The following EXOC3 variants were observed in gnomAD, a reference collection of about 807,000 sequenced individuals.
EXOC3 encodes exocyst complex component 3, also known as SEC6-like 1.
A neutral mutation model predicts 73.7 loss-of-function variants in EXOC3; 21 were observed. The ratio of observed to expected loss-of-function variants is 0.29; its 90% confidence interval spans 0.20 to 0.41. EXOC3 has a LOEUF of 0.41. Ranked by LOEUF, EXOC3 falls within the 10% of genes least tolerant of loss-of-function variation. The pLI, the probability that EXOC3 is intolerant of heterozygous loss-of-function variation, is 1.00. For missense variants in EXOC3, 842 were observed against 985.1 expected, an observed-to-expected ratio of 0.85 and a Z score of 1.95; for synonymous variants, 410 against 389.1, an observed-to-expected ratio of 1.05 and a Z score of -0.63.
In EXOC3 at chr5:465,920, C is replaced by T. The variant is rs78942037; in HGVS notation, c.2066+75C>T. On this transcript the variant is annotated intron_variant, in intron 12 of 12. Transcript: ENST00000512944. Reference sequence around the variant, plus strand: ...GGCAGGTCCCTCCTTCTGTCTGGGGCGGGTGGGGCTCCTGGTTCGCAAGTT... The same window carrying T: ...GGCAGGTCCCTCCTTCTGTCTGGGGTGGGTGGGGCTCCTGGTTCGCAAGTT... 4.1e-3 allele frequency: 6,094 copies of T among 1,497,612 alleles called. 174 individuals carry two copies. In the African/African-American group the frequency reaches 0.067, roughly 16 times the overall value. The allele number at this position is 1,497,612 out of a possible 1,614,324, so 92.8% of individuals were successfully genotyped here.
chr5:453,392 C>A lies in EXOC3; in HGVS notation c.387C>A (p.Thr129=). Residue 129 remains threonine (T), a synonymous_variant, in exon 4 of 13, where the codon ACC becomes ACA. Transcript: ENST00000512944. The part of the protein sequence containing the change: ...IFSVPEIVRE[T]QDLIEQGALL... ...TAGTGCCTGAGATTGTGAGGGAGAC[C>A]CAGGACCTAATTGAACAAGGGGCAC... 1.3e-6 allele frequency: 2 copies of A among 1,588,350 alleles called. No individual in the cohort carries two copies. The highest frequency in any genetic ancestry group is 1.1e-5 in the South Asian group (1 of 87,482).
At chr5:449,987 C>G (rs6889494) in intron 3 of EXOC3, among the ~76,000 whole-genome samples, 2 of 152,092 alleles carry the variant, frequency 1.3e-5, no homozygotes, top group Non-Finnish European at 2.9e-5. Context: ...GGCTCACGCC[C>G]GTCATCCCAG....
chr5:456,829 T>A lies in EXOC3; in HGVS notation c.1047-60T>A. On this transcript the variant is annotated intron_variant, in intron 4 of 12. Coordinates refer to ENST00000512944, the MANE Select transcript of EXOC3 (RefSeq NM_007277.5). ...GTCAAGTGAAACAGTCTCGGCACAC[T>A]TGGGCATGCTCTTCTGTGTCTGTCG... 4 of 1,290,696 alleles carry A rather than the reference T, an allele frequency of 3.1e-6. No homozygotes were observed. In the South Asian group the frequency reaches 4.9e-5, roughly 16 times the overall value. 80.0% of individuals were successfully genotyped at this position (1,290,696 alleles called of 1,614,324 possible).
chr5:457,421 G>T lies in EXOC3; in HGVS notation c.1164+415G>T, dbSNP rs1409071852. The T allele has an allele frequency of 3.7e-5, 9 of 246,510 alleles. No homozygotes were observed. In the South Asian group the frequency reaches 5.1e-4, roughly 14 times the overall value. 15.3% of individuals were successfully genotyped at this position (246,510 alleles called of 1,614,324 possible). On this transcript the variant is annotated intron_variant, in intron 5 of 12. Transcript: ENST00000512944. ...AGAGTGAGAAGAGGAGGTCAGCAGG[G>T]TCTGCTTCTTAGACAAGGGTGCGTC...
chr5:450,276 C>T (rs376974325), intron 3 of EXOC3, among the ~76,000 whole-genome samples: 1 of 152,128 alleles, frequency 6.6e-6, no homozygotes, highest in South Asian at 2.1e-4. Flanking sequence ...ACAAAAGTCC[C>T]TTATGTTTCC....
intron 11 of EXOC3, among the ~76,000 whole-genome samples, 169 bp downstream of exon 11, chr5:465,441 A>G (rs982031583): frequency 1.3e-4 from 20 of 152,146 alleles, no homozygotes; most frequent in Non-Finnish European, 2.2e-4. Flanking sequence ...GAATGTCCAC[A>G]GAGGTAGACG....
intron 9 of EXOC3, among the ~76,000 whole-genome samples, chr5:462,744 T>A (rs1040511598): frequency 6.6e-6 from 1 of 152,218 alleles, no homozygotes; most frequent in Non-Finnish European, 1.5e-5. Context: ...TAGGGGTTAT[T>A]TCAGAAACAT....
intron 4 of EXOC3, among the ~76,000 whole-genome samples, chr5:454,321 G>T (rs1737740722): frequency 6.6e-6 from 1 of 152,202 alleles, no homozygotes. Flanking sequence ...CTCTGGGCTG[G>T]GCCTGTTTCC....
chr5:444,014 C>T (rs985403453), intron 1 of EXOC3, among the ~76,000 whole-genome samples: 1 of 151,984 alleles, frequency 6.6e-6, no homozygotes, highest in Admixed American at 6.5e-5. Flanking sequence ...TTCCCCTCGG[C>T]GCAGGCGTCC....
At chr5:444,239 T>C (rs1336552604) in intron 1 of EXOC3, among the ~76,000 whole-genome samples, 1 of 152,254 alleles carries the variant, frequency 6.6e-6, no homozygotes, top group African/African-American at 2.4e-5. Context: ...AGTTCCTCTT[T>C]GGCTTCTGTG....
At chr5:446,062 G>A in intron 1 of EXOC3, 88 bp from the exon 2 acceptor site, 4 of 859,380 alleles carry the variant, frequency 4.7e-6, no homozygotes, top group Non-Finnish European at 5.7e-6. Context: ...TGATCTCAGA[G>A]GCTCTGCTTG....
chr5:449,435 C>T (rs1737595084), intron 3 of EXOC3, among the ~76,000 whole-genome samples: 4 of 152,218 alleles, frequency 2.6e-5, no homozygotes, highest in Admixed American at 1.3e-4. Flanking sequence ...AATCTGTACC[C>T]ATTAAACACT....
rs1405014967 is a variant in EXOC3, at chr5:465,291, C to T, written c.1938+19C>T. On this transcript the variant is annotated intron_variant, in intron 11 of 12. Coordinates refer to ENST00000512944, the MANE Select transcript of EXOC3 (RefSeq NM_007277.5). ...GGCGTCCGTGAGTGTCGCGCAGGTC[C>T]GGGCTGGAGAAGGCCTGTCGCTCCG... is the stretch of plus-strand genomic sequence containing the variant. 7 of 1,566,140 alleles carry T rather than the reference C, an allele frequency of 4.5e-6. No individual in the cohort carries two copies. Among genetic ancestry groups the T allele is most frequent in the Middle Eastern group, 1.9e-4 (1 of 5,240 alleles).
rs369067591 is a variant in EXOC3 at position 459,511 on chromosome 5, T to C, written c.1391+52T>C. 35 of 1,062,206 alleles carry C rather than the reference T, an allele frequency of 3.3e-5. No homozygotes were observed. The African/African-American group carries it at 4.7e-4, about 14-fold the overall frequency. The allele number at this position is 1,062,206 out of a possible 1,614,324, so 65.8% of individuals were successfully genotyped here. A position where few individuals can be genotyped will look rare whatever the true frequency, so the allele number is the denominator to read the frequency against. On this transcript the variant is annotated intron_variant, in intron 7 of 12. Transcript: ENST00000512944. ...GTACACATTGAATGTTTTTAAAAAT[T>C]AGAAGCAAAAATTTTTTGATCCTAC...
intron 1 of EXOC3, chr5:445,035 G>A (rs1348977035): frequency 1.3e-5 from 2 of 152,234 alleles, no homozygotes; most frequent in African/African-American, 4.8e-5. Context: ...AAAGCATGTG[G>A]GCATGGAGAA....
At chr5:464,823 A>G (rs1312494067) in intron 10 of EXOC3, 2 of 505,382 alleles carry the variant, frequency 4.0e-6, no homozygotes, top group East Asian at 3.4e-5. Context: ...GCAGCCACTG[A>G]CACGGGCCTG....
intron 6 of EXOC3, 96 bp from the exon 7 acceptor site, chr5:459,263 C>G (rs1737913475): frequency 2.2e-6 from 1 of 449,386 alleles, no homozygotes; most frequent in Admixed American, 4.3e-5. Flanking sequence ...TCCTAAATGC[C>G]AGTTAGCAGA....
intron 2 of EXOC3, chr5:446,897 A>C (rs1324079372): frequency 1.3e-5 from 2 of 156,586 alleles, no homozygotes; most frequent in Admixed American, 6.1e-5. Context: ...CAACACCCTG[A>C]AAGTGTCTAT....
intron 3 of EXOC3, among the ~76,000 whole-genome samples, chr5:450,205 C>T (rs2126574919): frequency 6.6e-6 from 1 of 152,350 alleles, no homozygotes; most frequent in South Asian, 2.1e-4. Flanking sequence ...GAGATCGCAC[C>T]ACTGCACTCC....
Sources: allele counts gnomAD v4.1 joint callset (sites outside exome capture counted in the v4.1 genomes callset), GRCh38; gene constraint gnomAD v4.1.1; transcripts MANE v1.5; gene names NCBI Gene and HGNC (gene_info 2026-07-23, HGNC 2026-07-21).